The following ARFGAP2 variants were observed in gnomAD, a reference collection of about 807,000 sequenced individuals.
ARFGAP2 encodes ARF GTPase activating protein 2, also known as ADP-ribosylation factor GTPase-activating protein 2.
In ARFGAP2, 45 loss-of-function variants were observed where a neutral mutation model predicts 71.9. The observed-to-expected ratio is 0.63, with a 90% CI of 0.49 to 0.80. ARFGAP2 has a LOEUF of 0.80. Among genes scored for constraint, ARFGAP2 ranks in the 30% least tolerant of loss-of-function variants. The pLI is 0.00. For missense variants in ARFGAP2, 633 were observed against 673.9 expected (o/e 0.94, Z 0.67); for synonymous variants, 248 against 249.2 (o/e 1.00, Z 0.05).
rs1590939427 is a variant in ARFGAP2, at chr11:47,164,549, A to G, written c.*933T>C. On this transcript the variant is annotated 3_prime_UTR_variant, in exon 16 of 16. Transcript: ENST00000524782. ...GCTCAGCTGCCAGAGGGTGAGGCCC[A>G]CAGCTCTCACTGGCGGGTGCTGTCC... is the stretch of plus-strand genomic sequence containing the variant. 1 of 230,704 alleles carries G rather than the reference A, an allele frequency of 4.3e-6. No homozygotes were observed. Among genetic ancestry groups the G allele is most frequent in the African/African-American group, 2.3e-5 (1 of 43,564 alleles). 14.3% of individuals were successfully genotyped at this position (230,704 alleles called of 1,614,324 possible). A position where few individuals can be genotyped will look rare whatever the true frequency, so the allele number is the denominator to read the frequency against.
chr11:47,172,547 C>CT (rs1304105224), intron 7 of ARFGAP2, among the ~76,000 whole-genome samples: 1 of 152,206 alleles, frequency 6.6e-6, no homozygotes, highest in African/African-American at 2.4e-5. Flanking sequence ...AGACAGGAAC[C>CT]TAGACCTGAA....
rs1952386952 is a variant in ARFGAP2 at position 47,166,572 on chromosome 11, G to A, written c.1360C>T (p.Leu454Phe). 1 of 1,612,194 alleles carries A rather than the reference G, an allele frequency of 6.2e-7. No homozygotes were observed. The highest frequency in any genetic ancestry group is 1.3e-5 in the African/African-American group (1 of 74,938). The stretch of plus-strand genomic sequence containing the variant: ...GAGCTGATGGCACTGCTGCCTGAGA[G>A]CTGCTGCAGCCGAGACCTGGCCTCA... ...EYEARSRLQQ[L>F]SGSSAISSSD... is the part of the protein sequence containing the mutation. The change falls in exon 14 of 16, where the codon CTC (leucine) becomes TTC (phenylalanine). Residue 454 changes from leucine to phenylalanine, a missense_variant. Leu to Phe is a conservative substitution (Grantham distance 22). Coordinates refer to ENST00000524782, the MANE Select transcript of ARFGAP2 (RefSeq NM_032389.6).
chr11:47,171,325 G>A (rs1952590283), intron 10 of ARFGAP2, 101 bp downstream of exon 10: 1 of 1,537,554 alleles, frequency 6.5e-7, no homozygotes, highest in African/African-American at 1.4e-5. Flanking sequence ...ATTCAGACTT[G>A]GAGAAACAAT....
At chr11:47,174,123 G>A (rs1324238877) in intron 5 of ARFGAP2, among the ~76,000 whole-genome samples, 1 of 152,142 alleles carries the variant, frequency 6.6e-6, no homozygotes, top group African/African-American at 2.4e-5. Context: ...AGATCTAAAG[G>A]CTCCTCATAT....
intron 3 of ARFGAP2, chr11:47,175,614 G>C: frequency 1.6e-6 from 1 of 624,622 alleles, no homozygotes; most frequent in Non-Finnish European, 2.8e-6. Context: ...CAATGACTGT[G>C]AAGGCTCCCA....
chr11:47,171,989 C>A (rs1952618178), intron 8 of ARFGAP2, 189 bp from the exon 9 acceptor site: 2 of 916,730 alleles, frequency 2.2e-6, no homozygotes, highest in Non-Finnish European at 3.2e-6. Context: ...GCTCACACAG[C>A]CCCAGCAGAG....
rs186203628 is a variant in ARFGAP2, at chr11:47,165,452, C to A, written c.*30G>T. On this transcript the variant is annotated 3_prime_UTR_variant, in exon 16 of 16. Coordinates refer to ENST00000524782, the MANE Select transcript of ARFGAP2 (RefSeq NM_032389.6). Reference sequence around the variant, plus strand: ...AACTGTGGAGTTCTTGTTGCCGTCACCATCGTAAGCCTGAGTCACAGAGCT... The same window carrying A: ...AACTGTGGAGTTCTTGTTGCCGTCAACATCGTAAGCCTGAGTCACAGAGCT... The A allele has an allele frequency of 1.3e-6, 2 of 1,567,694 alleles. No individual in the cohort carries two copies. Among genetic ancestry groups the A allele is most frequent in the Non-Finnish European group, 1.7e-6 (2 of 1,156,620 alleles).
chr11:47,172,503 G>A (rs750795011), intron 7 of ARFGAP2, among the ~76,000 whole-genome samples, 170 bp from the exon 8 acceptor site: 17 of 152,224 alleles, frequency 1.1e-4, no homozygotes, highest in Non-Finnish European at 2.1e-4. Context: ...AAAGACAGAC[G>A]TGGCTGGGGT....
rs1014543630 is a variant in ARFGAP2 at position 47,166,201 on chromosome 11, G to A, written c.1545+67C>T. 1.1e-5 allele frequency: 17 copies of A among 1,500,312 alleles called. No individual in the cohort carries two copies. In the East Asian group the frequency reaches 2.9e-4, roughly 26 times the overall value. 92.9% of individuals were successfully genotyped at this position (1,500,312 alleles called of 1,614,324 possible). A position where few individuals can be genotyped will look rare whatever the true frequency, so the allele number is the denominator to read the frequency against. On this transcript the variant is annotated intron_variant, in intron 15 of 15. Transcript: ENST00000524782. ...GGCTCAGAGGGGCTGAGCAGTAGCA[G>A]TGTCTCTATGTGGTGGCGAAGGGCA...
At chr11:47,173,717 C>T in intron 6 of ARFGAP2, 42 bp downstream of exon 6, 1 of 1,558,218 alleles carries the variant, frequency 6.4e-7, no homozygotes, top group Non-Finnish European at 8.7e-7. Context: ...TGAGTCCTCT[C>T]CTAGGACCAG....
chr11:47,165,103 C>CA lies in ARFGAP2; in HGVS notation c.*378dup, dbSNP rs1401493361. 4 of 228,560 alleles carry CA rather than the reference C, an allele frequency of 1.8e-5. No homozygotes were observed. The highest frequency in any genetic ancestry group is 1.1e-4 in the Admixed American group (2 of 17,434). 14.2% of individuals were successfully genotyped at this position (228,560 alleles called of 1,614,324 possible). ...CGAACTAGAAGAACCCTAGAGCCAGCAAAAAAAGCCTTCTACCTTCCGCTT... is the reference window on the plus strand; with the variant it reads ...CGAACTAGAAGAACCCTAGAGCCAGCAAAAAAAAGCCTTCTACCTTCCGCTT... On this transcript the variant is annotated 3_prime_UTR_variant, in exon 16 of 16. Coordinates refer to ENST00000524782, the MANE Select transcript of ARFGAP2 (RefSeq NM_032389.6).
chr11:47,167,826 A>G (rs1952442800), intron 12 of ARFGAP2, 83 bp downstream of exon 12: 5 of 1,459,448 alleles, frequency 3.4e-6, no homozygotes, highest in Non-Finnish European at 4.5e-6. Flanking sequence ...AAGTTCTTCT[A>G]GACAGTGCTG....
intron 8 of ARFGAP2, 33 bp from the exon 9 acceptor site, chr11:47,171,833 AT>A: frequency 6.2e-7 from 1 of 1,610,260 alleles, no homozygotes; most frequent in South Asian, 1.1e-5. Context: ...GGCCTTCCCA[AT>A]CACACTCTCC....
intron 15 of ARFGAP2, 71 bp from the exon 16 acceptor site, chr11:47,165,573 A>G (rs1354176720): frequency 8.8e-6 from 13 of 1,468,936 alleles, no homozygotes; most frequent in Non-Finnish European, 1.2e-5. Flanking sequence ...CCCAGCAAAC[A>G]CACTGCCTGC....
chr11:47,168,296 T>A, intron 10 of ARFGAP2, 45 bp from the exon 11 acceptor site: 1 of 1,611,324 alleles, frequency 6.2e-7, no homozygotes, highest in Admixed American at 1.7e-5. Flanking sequence ...AGGATAGGCA[T>A]CAGCATCACC....
At position 47,166,842 on chromosome 11, in the gene ARFGAP2, T is replaced by C. The variant is rs775173751; in HGVS notation, c.1250A>G (p.Glu417Gly). 1.2e-6 allele frequency: 2 copies of C among 1,614,014 alleles called. No homozygotes were observed. The highest frequency in any genetic ancestry group is 1.7e-6 in the Non-Finnish European group (2 of 1,180,004). ...REVESRSSGLESSEARQKFAG... is the reference protein window; with the variant it reads ...REVESRSSGLGSSEARQKFAG... ...GAATTTCTGACGCGCCTCACTAGAC[T>C]CGAGGCCTGAGCTCCGGCTCTCCAC... is the stretch of plus-strand genomic sequence containing the variant. The change falls in exon 13 of 16, where the codon GAG becomes GGG. Residue 417 changes from glutamate (E) to glycine (G), a missense_variant. By Grantham distance (98) the Glu-to-Gly change is moderately conservative. Coordinates refer to ENST00000524782, the MANE Select transcript of ARFGAP2 (RefSeq NM_032389.6).
chr11:47,166,690 A>T, intron 13 of ARFGAP2, 70 bp downstream of exon 13: 12 of 1,599,600 alleles, frequency 7.5e-6, no homozygotes, highest in Non-Finnish European at 1.0e-5. Flanking sequence ...TAAAGCCCAA[A>T]GCAGCGGCAG....
Position 47,164,482 on chromosome 11 carries a change from C to CCAGCAGTCTCA in ARFGAP2, c.*999_*1000insTGAGACTGCTG. On this transcript the variant is annotated 3_prime_UTR_variant, in exon 16 of 16. Transcript: ENST00000524782. ...AAGGTGGGGGCTGGGCTGAGACTGC[C>CCAGCAGTCTCA]GGTGCGGCAGGGGAAGATGGCACCA... 1 of 374,528 alleles carries CCAGCAGTCTCA rather than the reference C, an allele frequency of 2.7e-6. No individual in the cohort carries two copies. The highest frequency in any genetic ancestry group is 4.8e-6 in the Non-Finnish European group (1 of 209,404). The allele number at this position is 374,528 out of a possible 1,614,324, so 23.2% of individuals were successfully genotyped here.
chr11:47,170,198 C>A (rs1952540066), intron 10 of ARFGAP2, among the ~76,000 whole-genome samples: 1 of 151,102 alleles, frequency 6.6e-6, no homozygotes, highest in African/African-American at 2.4e-5. Flanking sequence ...GTGGCACATG[C>A]CTGTAATCAC....
Sources: allele counts gnomAD v4.1 joint callset (sites outside exome capture counted in the v4.1 genomes callset), GRCh38; gene constraint gnomAD v4.1.1; transcripts MANE v1.5; gene names NCBI Gene and HGNC (gene_info 2026-07-23, HGNC 2026-07-21).